Variants in KRT6B observed in about 807,000 individuals in gnomAD.
The protein encoded by KRT6B is keratin 6B.
KRT6B carries 29 observed loss-of-function variants against 44.7 expected under a neutral mutation model. The ratio of observed to expected loss-of-function variants is 0.65; its 90% CI spans 0.48 to 0.88. KRT6B has a LOEUF of 0.88. Ranked by LOEUF, KRT6B falls within the 40% of genes least tolerant of loss-of-function variation. The pLI, the probability that KRT6B is intolerant of heterozygous loss-of-function variation, is 0.00. For missense variants in KRT6B, 600 were observed against 724.0 expected (o/e 0.83, Z 1.97); for synonymous variants, 213 against 296.0 (o/e 0.72, Z 2.88).
chr12:52,448,709 C>T (rs1231412214), intron 6 of KRT6B, 133 bp downstream of exon 6: 1 of 1,454,804 alleles, frequency 6.9e-7, no homozygotes, highest in South Asian at 1.2e-5. Flanking sequence ...CTCACTGAGC[C>T]TAGGAACTGC....
chr12:52,451,518 G>C, intron 1 of KRT6B, 21 bp downstream of exon 1: 2 of 1,613,532 alleles, frequency 1.2e-6, no homozygotes, highest in African/African-American at 1.3e-5. Flanking sequence ...GTGCCCGATG[G>C]AGGGCATGGC....
At chr12:52,449,317 T>C in intron 5 of KRT6B, 152 bp downstream of exon 5, 4 of 1,304,292 alleles carry the variant, frequency 3.1e-6, no homozygotes, top group South Asian at 2.4e-5. Context: ...TGGGCATAAG[T>C]TCCGCAAATG....
rs1314015038 is a variant in KRT6B at position 52,450,707 on chromosome 12, C to G, written c.541-87G>C. ...CCAGTTTCCTGGAGGTCTGGGAGGTCCCCATGGTGCTGGGCTACTACAGTG... is the reference window on the plus strand; with the variant it reads ...CCAGTTTCCTGGAGGTCTGGGAGGTGCCCATGGTGCTGGGCTACTACAGTG... On this transcript the variant is annotated intron_variant, in intron 1 of 8. Coordinates refer to ENST00000252252, the MANE Select transcript of KRT6B (RefSeq NM_005555.4). 7.5e-6 allele frequency: 12 copies of G among 1,591,210 alleles called. No individual in the cohort carries two copies. The Admixed American group carries it at 1.9e-4, about 25-fold the overall frequency.
At chr12:52,448,025 C>T in intron 6 of KRT6B, 27 bp from the exon 7 acceptor site, 2 of 1,614,024 alleles carry the variant, frequency 1.2e-6, no homozygotes, top group Non-Finnish European at 1.7e-6. Flanking sequence ...AGAGAAAGAA[C>T]TTGTCATCTG....
Position 52,446,871 on chromosome 12 carries a change from T to C in KRT6B, c.*319A>G, listed in dbSNP as rs1940317657. 4.8e-6 allele frequency: 2 copies of C among 419,134 alleles called. No homozygotes were observed. Among genetic ancestry groups the C allele is most frequent in the Non-Finnish European group, 8.7e-6 (2 of 229,724 alleles). The allele number at this position is 419,134 out of a possible 1,614,324, so 26.0% of individuals were successfully genotyped here. ...AAAGAGAGGACTCCTCATCTGCAGC[T>C]GGACCTAGACTGAGTTTCAGTTCTT... is the stretch of plus-strand genomic sequence containing the variant. On this transcript the variant is annotated 3_prime_UTR_variant, in exon 9 of 9. Coordinates refer to ENST00000252252, the MANE Select transcript of KRT6B (RefSeq NM_005555.4).
At chr12:52,451,388 G>A (rs1409275141) in intron 1 of KRT6B, 151 bp downstream of exon 1, 3 of 1,236,074 alleles carry the variant, frequency 2.4e-6, no homozygotes, top group African/African-American at 3.1e-5. Flanking sequence ...CATCTGTGCT[G>A]CCTCCTGTGC....
chr12:52,450,126 A>C, intron 2 of KRT6B, 54 bp from the exon 3 acceptor site: 2 of 1,613,866 alleles, frequency 1.2e-6, no homozygotes, highest in Non-Finnish European at 1.7e-6. Flanking sequence ...GATGAAACAG[A>C]AAAGCAGCTT....
intron 8 of KRT6B, 31 bp downstream of exon 8, chr12:52,447,508 G>C: frequency 1.2e-6 from 2 of 1,614,056 alleles, no homozygotes; most frequent in South Asian, 1.1e-5. Flanking sequence ...GAGTGCAAGG[G>C]CAGGGGAGGA....
In KRT6B at chr12:52,447,334, A is replaced by G. The variant is rs373264955; in HGVS notation, c.1551T>C (p.Tyr517=). 43 of 1,613,930 alleles carry G rather than the reference A, an allele frequency of 2.7e-5. No individual in the cohort carries two copies. The highest frequency in any genetic ancestry group is 3.4e-5 in the Non-Finnish European group (40 of 1,179,894). Residue 517 remains tyrosine (Y), a synonymous_variant, in exon 9 of 9, where the codon TAT becomes TAC. Transcript: ENST00000252252. ...CGCCTCCAACGCCAAGACCACTGCC[A>G]TAGGAGTAGCTGCTTCCTCCACCCA... is the stretch of plus-strand genomic sequence containing the variant. ...LGLGGGSSYS[Y]GSGLGVGGGF...
intron 5 of KRT6B, 129 bp downstream of exon 5, chr12:52,449,340 G>T: frequency 7.2e-7 from 1 of 1,380,534 alleles, no homozygotes. Context: ...TACTCTAATA[G>T]TGCAGAGTGC....
Position 52,447,338 on chromosome 12 carries a change from G to A in KRT6B, c.1547C>T (p.Ser516Phe), listed in dbSNP as rs1940326833. 1 of 1,613,882 alleles carries A rather than the reference G, an allele frequency of 6.2e-7. No individual in the cohort carries two copies. Among genetic ancestry groups the A allele is most frequent in the African/African-American group, 1.3e-5 (1 of 74,910 alleles). ...TCCAACGCCAAGACCACTGCCATAGGAGTAGCTGCTTCCTCCACCCAGGCC... is the reference window on the plus strand; with the variant it reads ...TCCAACGCCAAGACCACTGCCATAGAAGTAGCTGCTTCCTCCACCCAGGCC... ...GLGLGGGSSY[S>F]YGSGLGVGGG... is the part of the protein sequence containing the mutation. Residue 516 changes from serine (S) to phenylalanine (F), a missense_variant, in exon 9 of 9, where the codon TCC becomes TTC. Ser to Phe is a radical substitution (Grantham distance 155). Transcript: ENST00000252252.
At chr12:52,450,708 C>T in intron 1 of KRT6B, 88 bp from the exon 2 acceptor site, 2 of 1,592,616 alleles carry the variant, frequency 1.3e-6, no homozygotes, top group Non-Finnish European at 1.7e-6. Flanking sequence ...CTGGGAGGTC[C>T]CCATGGTGCT....
chr12:52,448,212 C>T (rs1000716513), intron 6 of KRT6B, among the ~76,000 whole-genome samples: 1 of 152,094 alleles, frequency 6.6e-6, no homozygotes, highest in African/African-American at 2.4e-5. Context: ...AACTCCACTG[C>T]CTAAAGATGT....
Position 52,447,281 on chromosome 12 carries a change from G to A in KRT6B, c.1604C>T (p.Thr535Ile), listed in dbSNP as rs554596962. 29 of 1,614,026 alleles carry A rather than the reference G, an allele frequency of 1.8e-5. No individual in the cohort carries two copies. The highest frequency in any genetic ancestry group is 9.3e-5 in the African/African-American group (7 of 75,060). The part of the protein sequence containing the change: ...GGFSSSSGRA[T>I]GGGLSSVGGG... ...TCCAACAGAGCTGAGGCCACCCCCA[G>A]TGGCTCTGCCGCTGCTGGAACTAAA... is the stretch of plus-strand genomic sequence containing the variant. Residue 535 changes from threonine (T) to isoleucine (I), a missense_variant, in exon 9 of 9, where the codon ACT becomes ATT. By Grantham distance (89) the Thr-to-Ile change is moderately conservative (BLOSUM62 -1). Transcript: ENST00000252252.
Position 52,449,478 on chromosome 12 carries a change from G to T in KRT6B, c.1068C>A (p.Tyr356Ter), listed in dbSNP as rs1481047138. ...TCCACTCCGTGCTCACCTTTGTCTG[G>T]TACCAGGACTCAGCCTCAGCCCTGC... ...QRSRAEAESWYQTKYEELQIT... is the reference protein window; with the variant it reads ...QRSRAEAESW Residue 356 changes from tyrosine (Y) to a stop codon, truncating the protein, a stop_gained, in exon 5 of 9, where the codon TAC (tyrosine) becomes TAA (stop). Coordinates refer to ENST00000252252, the MANE Select transcript of KRT6B (RefSeq NM_005555.4). LOFTEE classifies it high-confidence loss of function. 2 of 1,614,114 alleles carry T rather than the reference G, an allele frequency of 1.2e-6. No homozygotes were observed. Among genetic ancestry groups the T allele is most frequent in the South Asian group, 1.1e-5 (1 of 91,062 alleles).
In KRT6B at chr12:52,446,813, G is replaced by A. The variant is rs1447691427; in HGVS notation, c.*377C>T. 3.2e-6 allele frequency: 1 copy of A among 309,014 alleles called. No individual in the cohort carries two copies. The highest frequency in any genetic ancestry group is 6.1e-6 in the Non-Finnish European group (1 of 164,206). 19.1% of individuals were successfully genotyped at this position (309,014 alleles called of 1,614,324 possible). On this transcript the variant is annotated 3_prime_UTR_variant, in exon 9 of 9. Transcript: ENST00000252252. ...TGACTTGTCAGATGAGAACTCCTGA[G>A]TGTAGCTATAATGGGCAGGATGGTT...
At chr12:52,448,026 T>C in intron 6 of KRT6B, 28 bp from the exon 7 acceptor site, 1 of 1,613,984 alleles carries the variant, frequency 6.2e-7, no homozygotes, top group African/African-American at 1.3e-5. Context: ...GAGAAAGAAC[T>C]TGTCATCTGG....
chr12:52,447,991 T>A lies in KRT6B; in HGVS notation c.1211A>T (p.Asn404Ile). ...EIDHVKKQCA[N>I]LQAAIADAEQ... ...AGCATCAGCAATGGCGGCCTGTAGG[T>A]TGGCACACTAGGAGGGCAAAGGAAG... Residue 404 changes from asparagine to isoleucine, a missense_variant, in exon 7 of 9, where the codon AAC (asparagine) becomes ATC (isoleucine). Around this residue, in one of 4 missense-constraint regions of KRT6B, gnomAD observed 479 missense variants for 454.2 expected, o/e 1.05. Coordinates refer to ENST00000252252, the MANE Select transcript of KRT6B (RefSeq NM_005555.4). 1 of 1,614,140 alleles carries A rather than the reference T, an allele frequency of 6.2e-7. No homozygotes were observed. Among genetic ancestry groups the A allele is most frequent in the African/African-American group, 1.3e-5 (1 of 75,040 alleles).
At position 52,450,772 on chromosome 12, in the gene KRT6B, C is replaced by T. The variant is rs1940391324; in HGVS notation, c.541-152G>A. 3.0e-5 allele frequency: 39 copies of T among 1,284,774 alleles called. 1 individual carries two copies. In the South Asian group the frequency reaches 4.6e-4, roughly 15 times the overall value. The allele number at this position is 1,284,774 out of a possible 1,614,324, so 79.6% of individuals were successfully genotyped here. A position where few individuals can be genotyped will look rare whatever the true frequency, so the allele number is the denominator to read the frequency against. On this transcript the variant is annotated intron_variant, in intron 1 of 8. Coordinates refer to ENST00000252252, the MANE Select transcript of KRT6B (RefSeq NM_005555.4). ...CAGGCTGAGCTCTGCTCCCCCAACT[C>T]CTTCTCCTTTGCACCCCACCAGTCT...
Sources: gnomAD v4.1 joint callset for allele counts (sites outside exome capture counted in the v4.1 genomes callset) on GRCh38, gnomAD v4.1.1 for gene constraint, gnomAD v4.1.1 regional missense constraint, MANE v1.5 for transcripts, NCBI Gene and HGNC (gene_info 2026-07-23, HGNC 2026-07-21) for gene names.